Variants in CDH18 observed in about 807,000 individuals in gnomAD.
CDH18 encodes the protein cadherin 18, also known as cadherin-18.
Under a neutral mutation model 67.9 loss-of-function variants are expected in CDH18, and 31 were observed. That is an observed-to-expected ratio of 0.46 (90% CI 0.34 to 0.62). The LOEUF (loss-of-function observed/expected upper bound fraction) is 0.62. CDH18 is among the 20% of genes least tolerant of loss of function. CDH18 has a pLI of 0.01. For missense variants in CDH18, 890 were observed against 975.5 expected, an observed-to-expected ratio of 0.91 and a Z score of 1.17; for synonymous variants, 362 against 347.2, an observed-to-expected ratio of 1.04 and a Z score of -0.48.
intron 2 of CDH18, among the ~76,000 whole-genome samples, chr5:20,172,213 T>C (rs866935060): frequency 8.2e-5 from 5 of 61,110 alleles, no homozygotes; most frequent in South Asian, 5.3e-4. Context: ...TATATATATA[T>C]ATATATATAT....
chr5:20,310,731 G>A (rs1736904568), intron 1 of CDH18, among the ~76,000 whole-genome samples: 1 of 152,188 alleles, frequency 6.6e-6, no homozygotes, highest in South Asian at 2.1e-4. Flanking sequence ...TTGACATGCT[G>A]TGCCACTTAC....
intron 2 of CDH18, among the ~76,000 whole-genome samples, chr5:19,868,297 C>T (rs1044485631): frequency 2.0e-5 from 3 of 152,142 alleles, no homozygotes; most frequent in Non-Finnish European, 4.4e-5. Context: ...GGGGATCCAG[C>T]TCTTCAGCTT....
intron 2 of CDH18, among the ~76,000 whole-genome samples, chr5:20,253,551 AT>A (rs991780604): frequency 6.6e-6 from 1 of 152,246 alleles, no homozygotes; most frequent in African/African-American, 2.4e-5. Flanking sequence ...TGTAATAACC[AT>A]TTTTTTGAAA....
At chr5:19,718,446 T>C (rs1181961868) in intron 5 of CDH18, among the ~76,000 whole-genome samples, 1 of 151,968 alleles carries the variant, frequency 6.6e-6, no homozygotes, top group East Asian at 1.9e-4. Context: ...TTTCAGTATG[T>C]TTGTATTTTA....
chr5:19,847,175 A>G (rs1783076741), intron 2 of CDH18, among the ~76,000 whole-genome samples: 1 of 151,942 alleles, frequency 6.6e-6, no homozygotes, highest in Non-Finnish European at 1.5e-5. Context: ...TCCCTTTCCA[A>G]TGTTTTGGAA....
intron 2 of CDH18, among the ~76,000 whole-genome samples, chr5:20,004,395 T>A (rs1045097880): frequency 6.6e-6 from 1 of 152,208 alleles, no homozygotes; most frequent in Non-Finnish European, 1.5e-5. Context: ...GGTCTAAATA[T>A]CCAGCTCCTT....
chr5:19,631,131 T>C (rs756840982), intron 5 of CDH18, among the ~76,000 whole-genome samples: 1 of 151,826 alleles, frequency 6.6e-6, no homozygotes, highest in Non-Finnish European at 1.5e-5. Flanking sequence ...GGCATCTTCC[T>C]CTGTGCTATT....
chr5:20,303,233 A>G (rs1327173005), intron 1 of CDH18, among the ~76,000 whole-genome samples: 1 of 152,102 alleles, frequency 6.6e-6, no homozygotes. Flanking sequence ...GTCTCATTTG[A>G]CTTTCATTTC....
chr5:19,965,225 C>A (rs894831163), intron 2 of CDH18, among the ~76,000 whole-genome samples: 2 of 151,916 alleles, frequency 1.3e-5, no homozygotes, highest in Non-Finnish European at 1.5e-5. Flanking sequence ...CATAACAATG[C>A]CATAAGCTAT....
At chr5:20,160,820 CA>C (rs1383454899) in intron 2 of CDH18, among the ~76,000 whole-genome samples, 2 of 152,146 alleles carry the variant, frequency 1.3e-5, no homozygotes, top group Non-Finnish European at 2.9e-5. Context: ...TAACAGAGGT[CA>C]AAAACTGCAG....
rs147097679 is a variant in CDH18 at position 20,337,850 on chromosome 5, C to T, written c.-579-82345G>A. Among the ~76,000 whole-genome samples, 24 of 152,316 alleles carry T rather than the reference C, an allele frequency of 1.6e-4. No homozygotes were observed. In the East Asian group the frequency reaches 4.6e-3, roughly 29 times the overall value. On this transcript the variant is annotated intron_variant, in intron 1 of 14. Coordinates refer to the CDH18 transcript ENST00000507958. ...ATTGCTGATAAAGACATACCCTAAA[C>T]TGGGCAATTTACAAAAGAAAGAGAT...
intron 10 of CDH18, among the ~76,000 whole-genome samples, chr5:19,508,498 A>G (rs1453908110): frequency 6.6e-6 from 1 of 152,168 alleles, no homozygotes; most frequent in African/African-American, 2.4e-5. Context: ...ATTAATACAT[A>G]GAATGGTTAT....
chr5:19,679,581 G>A (rs1297357182), intron 5 of CDH18, among the ~76,000 whole-genome samples: 3 of 151,880 alleles, frequency 2.0e-5, no homozygotes, highest in African/African-American at 7.2e-5. Context: ...AAGGCTCCTA[G>A]AACTGATATA....
intron 5 of CDH18, among the ~76,000 whole-genome samples, chr5:19,625,095 T>C (rs1217432541): frequency 3.3e-5 from 5 of 152,016 alleles, no homozygotes; most frequent in African/African-American, 7.2e-5. Context: ...TATAGCAGAT[T>C]AGTTGTGGTT....
At chr5:20,453,853 T>G (rs868727191) in intron 1 of CDH18, among the ~76,000 whole-genome samples, 1 of 152,058 alleles carries the variant, frequency 6.6e-6, no homozygotes, top group Non-Finnish European at 1.5e-5. Flanking sequence ...CCATAGCAAT[T>G]GGAAAGATTT....
chr5:20,269,002 T>G (rs896196773), intron 1 of CDH18, among the ~76,000 whole-genome samples: 3 of 152,024 alleles, frequency 2.0e-5, no homozygotes, highest in South Asian at 2.1e-4. Context: ...ATCCACAATA[T>G]AGAAGTAACA....
At chr5:20,295,476 C>T (rs1747414695) in intron 1 of CDH18, among the ~76,000 whole-genome samples, 1 of 152,100 alleles carries the variant, frequency 6.6e-6, no homozygotes. Flanking sequence ...CGCCTGTAGT[C>T]CCAGCGCTTT....
Position 19,499,797 on chromosome 5 carries a change from T to C in CDH18, c.1630+3195A>G, listed in dbSNP as rs557413726. 1.5e-4 allele frequency among the ~76,000 whole-genome samples: 23 copies of C among 152,174 alleles called. No homozygotes were observed. The East Asian group carries it at 3.7e-3, about 24-fold the overall frequency. ...CTTATCATGAACAACAACATGCATC[T>C]CTTTCTCTCTCTCTTTTTTTGAAAA... On this transcript the variant is annotated intron_variant, in intron 11 of 12. Coordinates refer to ENST00000382275, the MANE Select transcript of CDH18 (RefSeq NM_004934.5).
At chr5:20,529,623 A>G (rs939070869) in intron 1 of CDH18, among the ~76,000 whole-genome samples, 1 of 152,080 alleles carries the variant, frequency 6.6e-6, no homozygotes, top group African/African-American at 2.4e-5. Context: ...ACATACACAA[A>G]ACTAAAGATA....
Sources: allele counts gnomAD v4.1 joint callset (sites outside exome capture counted in the v4.1 genomes callset), GRCh38; gene constraint gnomAD v4.1.1; transcripts MANE v1.5; gene names NCBI Gene and HGNC (gene_info 2026-07-23, HGNC 2026-07-21).